STRBP: variants seen among roughly 807,000 people sequenced by gnomAD.
STRBP encodes the protein spermatid perinuclear RNA-binding protein.
STRBP carries 13 observed loss-of-function variants against 80.1 expected under a neutral mutation model. The ratio of observed to expected loss-of-function variants is 0.16; its 90% CI spans 0.11 to 0.26. The LOEUF (loss-of-function observed/expected upper bound fraction) is 0.26, where lower values mean the gene tolerates loss of function less well. Ranked by LOEUF, STRBP falls within the 10% of genes least tolerant of loss-of-function variation. STRBP has a pLI of 1.00. For missense variants in STRBP, 485 were observed against 815.2 expected, an observed-to-expected ratio of 0.59 and a Z score of 4.93; for synonymous variants, 284 against 291.2, an observed-to-expected ratio of 0.98 and a Z score of 0.25.
chr9:123,120,944 G>T (rs1367479853), downstream of STRBP, among the ~76,000 whole-genome samples: 1 of 152,182 alleles, frequency 6.6e-6, no homozygotes, highest in Non-Finnish European at 1.5e-5. Context: ...TTTTGCCACA[G>T]TTAACTAAGT....
chr9:123,210,973 G>C (rs2039688062), intron 2 of STRBP, among the ~76,000 whole-genome samples: 1 of 152,172 alleles, frequency 6.6e-6, no homozygotes, highest in Admixed American at 6.5e-5. Context: ...TTGATGGTAG[G>C]AAAAAATGTT....
At position 123,124,947 on chromosome 9, in the gene STRBP, C is replaced by CA; in HGVS notation, c.*649dup. ...TTGCTTTGTTTTAGCACTTTGCTTA[C>CA]AAGTGAATGGGCTTCTAGGGCTAAG... is the stretch of plus-strand genomic sequence containing the variant. On this transcript the variant is annotated 3_prime_UTR_variant, in exon 19 of 19. Coordinates refer to ENST00000348403, the MANE Select transcript of STRBP (RefSeq NM_018387.5). The CA allele has an allele frequency of 1.0e-6, 1 of 985,798 alleles. No individual in the cohort carries two copies. Among genetic ancestry groups the CA allele is most frequent in the Non-Finnish European group, 1.2e-6 (1 of 829,932 alleles). The allele number at this position is 985,798 out of a possible 1,614,324, so 61.1% of individuals were successfully genotyped here.
chr9:123,202,716 A>C (rs1252128050), intron 2 of STRBP, among the ~76,000 whole-genome samples: 1 of 152,238 alleles, frequency 6.6e-6, no homozygotes, highest in Non-Finnish European at 1.5e-5. Context: ...TGTCTGTTAC[A>C]CAAAGAAATG....
intron 13 of STRBP, among the ~76,000 whole-genome samples, chr9:123,146,016 A>G (rs754913143): frequency 6.6e-6 from 1 of 151,826 alleles, no homozygotes; most frequent in Non-Finnish European, 1.5e-5. Context: ...ATTAACTGCT[A>G]TATCCCCAGT....
At chr9:123,116,122 A>G in intron 2 of STRBP, 1 of 456,048 alleles carries the variant, frequency 2.2e-6, no homozygotes, top group South Asian at 1.5e-5. Flanking sequence ...GGATTTTTAG[A>G]AAGCTGAGAC....
intron 4 of STRBP, among the ~76,000 whole-genome samples, chr9:123,174,261 C>A (rs10121252): frequency 0.31 from 47,737 of 152,014 alleles, 11,046 homozygotes; most frequent in East Asian, 0.74. Flanking sequence ...CACAGTAACA[C>A]CCTGTTGCCA....
At chr9:123,139,431 G>T in intron 14 of STRBP, 98 bp downstream of exon 14, 2 of 970,702 alleles carry the variant, frequency 2.1e-6, no homozygotes, top group Non-Finnish European at 2.9e-6. Flanking sequence ...GTACAGGTTT[G>T]CATATGCTTT....
Position 123,147,944 on chromosome 9 carries a change from G to A in STRBP, c.1046-74C>T, listed in dbSNP as rs2036889709. Reference sequence around the variant, plus strand: ...TTACCGTACCATATGTATCTAACATGTTCAGGTAGGAAAATCTTAGGAATC... The same window carrying A: ...TTACCGTACCATATGTATCTAACATATTCAGGTAGGAAAATCTTAGGAATC... On this transcript the variant is annotated intron_variant, in intron 11 of 18. Coordinates refer to ENST00000348403, the MANE Select transcript of STRBP (RefSeq NM_018387.5). 3.3e-6 allele frequency: 4 copies of A among 1,228,650 alleles called. No homozygotes were observed. The East Asian group carries it at 1.0e-4, about 31-fold the overall frequency. 76.1% of individuals were successfully genotyped at this position (1,228,650 alleles called of 1,614,324 possible). A position where few individuals can be genotyped will look rare whatever the true frequency, so the allele number is the denominator to read the frequency against.
At chr9:123,243,774 T>C (rs1357885466) in intron 1 of STRBP, among the ~76,000 whole-genome samples, 2 of 152,208 alleles carry the variant, frequency 1.3e-5, no homozygotes, top group African/African-American at 4.8e-5. Flanking sequence ...ATGAAAAGAA[T>C]TACTACATAA....
At chr9:123,261,129 T>G (rs1320068266) in intron 1 of STRBP, among the ~76,000 whole-genome samples, 2 of 152,188 alleles carry the variant, frequency 1.3e-5, no homozygotes, top group African/African-American at 4.8e-5. Context: ...GCAATTAAGG[T>G]TGCACACCAG....
chr9:123,152,931 C>T (rs2132372224), intron 11 of STRBP, among the ~76,000 whole-genome samples: 2 of 152,264 alleles, frequency 1.3e-5, no homozygotes, highest in African/African-American at 4.8e-5. Flanking sequence ...TAGATGCAGC[C>T]ATCAAGAGAA....
At chr9:123,222,587 A>T (rs1157044421) in intron 2 of STRBP, among the ~76,000 whole-genome samples, 1 of 152,194 alleles carries the variant, frequency 6.6e-6, no homozygotes, top group Admixed American at 6.5e-5. Context: ...TTAAAAAGAT[A>T]ATCAAGGAGT....
chr9:123,162,672 A>G (rs1564253091), intron 6 of STRBP, among the ~76,000 whole-genome samples: 1 of 152,246 alleles, frequency 6.6e-6, no homozygotes, highest in African/African-American at 2.4e-5. Flanking sequence ...TGAGCTCTAC[A>G]CCAGTTATTT....
chr9:123,233,040 C>G (rs1329489364), intron 2 of STRBP, among the ~76,000 whole-genome samples: 2 of 152,206 alleles, frequency 1.3e-5, no homozygotes, highest in Non-Finnish European at 1.5e-5. Flanking sequence ...TCATCCATGG[C>G]ACACTAACAG....
chr9:123,227,987 G>A (rs62579001), intron 2 of STRBP, among the ~76,000 whole-genome samples: 4 of 152,194 alleles, frequency 2.6e-5, no homozygotes, highest in South Asian at 2.1e-4. Context: ...ATAATCAGAC[G>A]AGGGTAATGG....
chr9:123,151,123 A>C (rs1046226703), intron 11 of STRBP, among the ~76,000 whole-genome samples: 1 of 152,226 alleles, frequency 6.6e-6, no homozygotes, highest in Admixed American at 6.5e-5. Flanking sequence ...AAAAAGACCC[A>C]AAATGGACCC....
At chr9:123,129,566 C>T (rs1427395841) in intron 17 of STRBP, among the ~76,000 whole-genome samples, 1 of 152,134 alleles carries the variant, frequency 6.6e-6, no homozygotes, top group Non-Finnish European at 1.5e-5. Flanking sequence ...GCAACTCACC[C>T]TTGAGAACAG....
In STRBP at chr9:123,110,761, C is replaced by T. The variant is rs1394296031; in HGVS notation, c.*85-1008G>A. The T allele has an allele frequency of 5.9e-6, 1 of 169,116 alleles. No homozygotes were observed. The highest frequency in any genetic ancestry group is 1.5e-5 in the Non-Finnish European group (1 of 68,160). 10.5% of individuals were successfully genotyped at this position (169,116 alleles called of 1,614,324 possible). On this transcript the variant is annotated intron_variant and NMD_transcript_variant, in intron 3 of 3. Transcript: ENST00000471564. This position sits in a 1 kb window ranked among gnomAD's most constrained non-coding sequence, Gnocchi z 4.1. ...GAGAGCGAGGCCCTCTGGTCGGAGG[C>T]CTACAATTTGGCTCCCCAGTAACAT...
chr9:123,259,713 A>AAACAAC (rs774487865), intron 1 of STRBP, among the ~76,000 whole-genome samples: 7 of 151,766 alleles, frequency 4.6e-5, no homozygotes, highest in South Asian at 2.1e-4. Context: ...CTGTCTCACA[A>AAACAAC]AACAACAACA....
Sources: allele counts gnomAD v4.1 joint callset (sites outside exome capture counted in the v4.1 genomes callset), GRCh38; gene constraint gnomAD v4.1.1; non-coding constraint Gnocchi (gnomAD v3.1); transcripts MANE v1.5; gene names NCBI Gene and HGNC (gene_info 2026-07-23, HGNC 2026-07-21).